CHN2: variants seen among roughly 807,000 people sequenced by gnomAD.
CHN2 encodes beta-chimaerin.
Under a neutral mutation model 56.3 loss-of-function variants are expected in CHN2, and 35 were observed. That is an observed-to-expected ratio of 0.62 (90% confidence interval 0.47 to 0.82). CHN2 has a LOEUF of 0.82. CHN2 is among the 40% of genes least tolerant of loss of function. The pLI is 0.00. For synonymous variants in CHN2, 210 were observed against 212.8 expected, an observed-to-expected ratio of 0.99 and a Z score of 0.12; for missense variants, 491 against 580.5, an observed-to-expected ratio of 0.85 and a Z score of 1.58.
At chr7:29,443,097 C>T (rs1016650237) in intron 6 of CHN2, among the ~76,000 whole-genome samples, 1 of 150,462 alleles carries the variant, frequency 6.6e-6, no homozygotes, top group African/African-American at 2.5e-5. Flanking sequence ...CCCGCCACCG[C>T]GCCCGGCTAA....
intron 2 of CHN2, among the ~76,000 whole-genome samples, chr7:29,154,438 G>A (rs1207774326): frequency 1.3e-5 from 2 of 152,126 alleles, no homozygotes; most frequent in African/African-American, 4.8e-5. Flanking sequence ...CTCAGCAGGT[G>A]TGAGCTCAAA....
At chr7:29,183,659 G>A (rs1798347198) in intron 2 of CHN2, among the ~76,000 whole-genome samples, 1 of 152,112 alleles carries the variant, frequency 6.6e-6, no homozygotes, top group African/African-American at 2.4e-5. Context: ...TTACAGGTGT[G>A]AGCCACCACA....
intron 1 of CHN2, among the ~76,000 whole-genome samples, chr7:29,237,538 A>G (rs764174357): frequency 6.6e-5 from 10 of 152,226 alleles, no homozygotes; most frequent in Non-Finnish European, 1.2e-4. Flanking sequence ...CTAATGGAAA[A>G]GAGAAAGGAA....
In CHN2 at chr7:29,359,682, G is replaced by A. The variant is rs975932439; in HGVS notation, c.88+5019G>A. Among the ~76,000 whole-genome samples, 4 of 152,248 alleles carry A rather than the reference G, an allele frequency of 2.6e-5. No homozygotes were observed. The South Asian group carries it at 6.2e-4, about 24-fold the overall frequency. On this transcript the variant is annotated intron_variant, in intron 2 of 12. Coordinates refer to ENST00000222792, the MANE Select transcript of CHN2 (RefSeq NM_004067.4). ...ACTGAATACAAGAAACATTGATGACGTCACTGAGAAAGCTTTGGTTTCAAT... is the reference window on the plus strand; with the variant it reads ...ACTGAATACAAGAAACATTGATGACATCACTGAGAAAGCTTTGGTTTCAAT...
At chr7:29,310,773 C>T (rs1324248940) in intron 1 of CHN2, among the ~76,000 whole-genome samples, 2 of 152,118 alleles carry the variant, frequency 1.3e-5, no homozygotes, top group African/African-American at 4.8e-5. Context: ...GGTGGTTCTC[C>T]AGAGTCTCTT....
chr7:29,394,136 C>T (rs994463402), intron 4 of CHN2, among the ~76,000 whole-genome samples: 1 of 152,188 alleles, frequency 6.6e-6, no homozygotes, highest in Non-Finnish European at 1.5e-5. Flanking sequence ...AGGCATCCCA[C>T]TTCTCTGCAG....
At chr7:29,263,677 G>A (rs1002370921) in intron 1 of CHN2, among the ~76,000 whole-genome samples, 26 of 151,108 alleles carry the variant, frequency 1.7e-4, no homozygotes, top group Non-Finnish European at 3.7e-4. Flanking sequence ...CTTCCCGGCC[G>A]TCATCCCGTC....
chr7:29,276,602 G>A (rs1000895188), intron 1 of CHN2, among the ~76,000 whole-genome samples: 4 of 152,204 alleles, frequency 2.6e-5, no homozygotes, highest in Admixed American at 2.6e-4. Context: ...TAGGATGATT[G>A]TAAAGATTAA....
intron 1 of CHN2, among the ~76,000 whole-genome samples, chr7:29,328,515 T>A (rs897955366): frequency 6.6e-5 from 10 of 152,114 alleles, no homozygotes; most frequent in African/African-American, 2.4e-4. Context: ...ACCAACAGTA[T>A]GGTGTGAAGA....
intron 2 of CHN2, chr7:29,185,588 T>A (rs1158093078): frequency 6.6e-6 from 1 of 150,716 alleles, no homozygotes; most frequent in Non-Finnish European, 1.5e-5. Context: ...TAGCAGCATA[T>A]CAAAATCACC....
chr7:29,224,199 CCTTA>C (rs1226897113), intron 1 of CHN2, among the ~76,000 whole-genome samples: 10 of 152,182 alleles, frequency 6.6e-5, no homozygotes, highest in East Asian at 3.9e-4. Context: ...ATTAAGAAGC[CCTTA>C]CTTCTTAATC....
chr7:29,200,570 A>G (rs1178646493), intron 1 of CHN2: 1 of 145,122 alleles, frequency 6.9e-6, no homozygotes, highest in Non-Finnish European at 1.5e-5. Context: ...GGTTTTCTTT[A>G]CTGTTCGTAG....
At chr7:29,487,518 A>C (rs1362055415) in intron 7 of CHN2, among the ~76,000 whole-genome samples, 4 of 152,210 alleles carry the variant, frequency 2.6e-5, no homozygotes. Context: ...CCTGGAAACT[A>C]TCTTAAGCTA....
intron 3 of CHN2, among the ~76,000 whole-genome samples, chr7:29,381,836 A>AAAAAAAG (rs1800537475): frequency 4.2e-5 from 6 of 142,954 alleles, no homozygotes; most frequent in Non-Finnish European, 7.6e-5. Flanking sequence ...AAAAAAAAAA[A>AAAAAAAG]GCAGGGCCTA....
intron 2 of CHN2, among the ~76,000 whole-genome samples, chr7:29,363,487 A>ACACCAC (rs968469952): frequency 6.6e-6 from 1 of 152,000 alleles, no homozygotes; most frequent in Admixed American, 6.6e-5. Flanking sequence ...TCCATCTCAA[A>ACACCAC]CACCACCACC....
chr7:29,314,342 C>A (rs1794804937), intron 1 of CHN2, among the ~76,000 whole-genome samples: 1 of 152,038 alleles, frequency 6.6e-6, no homozygotes, highest in African/African-American at 2.4e-5. Flanking sequence ...GTCAAATTCA[C>A]AAATAGAGGA....
intron 5 of CHN2, chr7:29,400,236 T>A: frequency 2.5e-6 from 1 of 400,182 alleles, no homozygotes; most frequent in African/African-American, 2.0e-5. Context: ...CTTAGTGATT[T>A]CTAGGATCAA....
At chr7:29,396,619 T>C (rs1801769211) in intron 4 of CHN2, 1 of 152,302 alleles carries the variant, frequency 6.6e-6, no homozygotes, top group Non-Finnish European at 1.5e-5. Flanking sequence ...GGCTGTGTCT[T>C]CGACATCCCA....
At chr7:29,213,399 T>A (rs1301707086) in intron 1 of CHN2, among the ~76,000 whole-genome samples, 1 of 152,188 alleles carries the variant, frequency 6.6e-6, no homozygotes, top group African/African-American at 2.4e-5. Context: ...GAGAGGTTTC[T>A]TTCTTTTTTT....
Sources: allele counts gnomAD v4.1 joint callset (sites outside exome capture counted in the v4.1 genomes callset), GRCh38; gene constraint gnomAD v4.1.1; transcripts MANE v1.5; gene names NCBI Gene and HGNC (gene_info 2026-07-23, HGNC 2026-07-21).